Variants in RIPOR2 observed in about 807,000 individuals in gnomAD.
The protein encoded by RIPOR2 is RHO family interacting cell polarization regulator 2.
A neutral mutation model predicts 114.5 loss-of-function variants in RIPOR2; 39 were observed. The ratio of observed to expected loss-of-function variants is 0.34; its 90% CI spans 0.26 to 0.44. The LOEUF (loss-of-function observed/expected upper bound fraction) is 0.44, where lower values mean the gene tolerates loss of function less well. Ranked by LOEUF, RIPOR2 falls within the 20% of genes least tolerant of loss-of-function variation. RIPOR2 has a pLI of 1.00. For missense variants in RIPOR2, 1,007 were observed against 1,255.1 expected, an observed-to-expected ratio of 0.80 and a Z score of 2.99; for synonymous variants, 445 against 484.4, an observed-to-expected ratio of 0.92 and a Z score of 1.07.
intron 1 of RIPOR2, among the ~76,000 whole-genome samples, chr6:24,988,527 T>C (rs1183427661): frequency 3.3e-5 from 5 of 152,340 alleles, no homozygotes; most frequent in African/African-American, 1.2e-4. Flanking sequence ...ACACTTCCAA[T>C]TGGTATCTTG....
chr6:24,885,499 C>G (rs547835131), intron 1 of RIPOR2, among the ~76,000 whole-genome samples: 7 of 151,624 alleles, frequency 4.6e-5, no homozygotes, highest in Non-Finnish European at 7.4e-5. Flanking sequence ...GCTGGAATTA[C>G]AGGTGTGAGC....
chr6:25,017,480 C>G (rs1317919569), intron 1 of RIPOR2, among the ~76,000 whole-genome samples: 1 of 152,242 alleles, frequency 6.6e-6, no homozygotes, highest in Non-Finnish European at 1.5e-5. Flanking sequence ...TGATGCTCCC[C>G]AGATTTTCTT....
chr6:24,978,146 G>C (rs997187924), intron 1 of RIPOR2, among the ~76,000 whole-genome samples: 1 of 152,118 alleles, frequency 6.6e-6, no homozygotes, highest in Non-Finnish European at 1.5e-5. Flanking sequence ...GCTCAAATAT[G>C]AATCTAGTGT....
intron 1 of RIPOR2, among the ~76,000 whole-genome samples, chr6:25,040,939 A>G (rs1029937911): frequency 6.6e-6 from 1 of 152,142 alleles, no homozygotes; most frequent in Non-Finnish European, 1.5e-5. Context: ...CCCATTCCTC[A>G]TGGAAACAAT....
rs571345852 is a variant in RIPOR2, at chr6:24,941,838, T to G, written c.77-66021A>C. Among the ~76,000 whole-genome samples the G allele has an allele frequency of 5.3e-5, 8 of 152,268 alleles. No individual in the cohort carries two copies. The East Asian group carries it at 7.7e-4, about 15-fold the overall frequency. The stretch of plus-strand genomic sequence containing the variant: ...CAGTCTGCCCCTCCTCCCCTTTTTT[T>G]AACCTCAAGACAAATTTCTTGGTGT... On this transcript the variant is annotated intron_variant, in intron 1 of 13. Transcript: ENST00000510784.
chr6:24,843,043 G>A lies in RIPOR2; in HGVS notation c.1676C>T (p.Thr559Ile), dbSNP rs755490191. The change falls in exon 13 of 22, where the codon ACA becomes ATA. Residue 559 changes from threonine (T) to isoleucine (I), a missense_variant. Physicochemically the swap from Thr to Ile is moderately conservative, Grantham distance 89 (BLOSUM62 -1). Coordinates refer to ENST00000643898, the MANE Select transcript of RIPOR2 (RefSeq NM_001286445.3). ...RLTSAEVPMA[T>I]DRLLSEGSVG... Reference sequence around the variant, plus strand: ...AGAACCCTCAGAGAGCAGCCTGTCTGTGGCCATTGGCACCTCTGCAGATGT... The same window carrying A: ...AGAACCCTCAGAGAGCAGCCTGTCTATGGCCATTGGCACCTCTGCAGATGT... The A allele has an allele frequency of 6.2e-7, 1 of 1,612,314 alleles. No individual in the cohort carries two copies. Among genetic ancestry groups the A allele is most frequent in the Non-Finnish European group, 8.5e-7 (1 of 1,178,546 alleles).
chr6:25,008,544 T>A (rs549076562), intron 1 of RIPOR2, among the ~76,000 whole-genome samples: 165 of 152,346 alleles, frequency 1.1e-3, no homozygotes, highest in African/African-American at 3.7e-3. Context: ...CCTTGTAAGA[T>A]CCATTTTGGA....
At chr6:24,824,835 A>G (rs1026225668) in intron 19 of RIPOR2, among the ~76,000 whole-genome samples, 14 of 152,240 alleles carry the variant, frequency 9.2e-5, no homozygotes, top group African/African-American at 3.4e-4. Context: ...AATAAATTCT[A>G]GGATATTCAT....
chr6:24,958,783 G>T (rs567470839), intron 1 of RIPOR2, among the ~76,000 whole-genome samples: 1 of 152,106 alleles, frequency 6.6e-6, no homozygotes, highest in East Asian at 1.9e-4. Flanking sequence ...GAAATTTATT[G>T]TCTCACAGTT....
At chr6:24,976,312 A>G in intron 1 of RIPOR2, 1 of 760,684 alleles carries the variant, frequency 1.3e-6, no homozygotes, top group Non-Finnish European at 2.2e-6. Context: ...GCAACCACTT[A>G]AATTGTGTTT....
intron 1 of RIPOR2, among the ~76,000 whole-genome samples, chr6:25,039,320 A>C (rs146351412): frequency 2.1e-3 from 321 of 152,288 alleles, no homozygotes; most frequent in Middle Eastern, 6.8e-3. Flanking sequence ...GCAAACATGC[A>C]CAGGTCTTTT....
intron 1 of RIPOR2, among the ~76,000 whole-genome samples, chr6:24,957,265 A>G (rs73382380): frequency 0.028 from 4,308 of 152,306 alleles, 107 homozygotes; most frequent in African/African-American, 0.067. Context: ...ACAATGTGCC[A>G]GTCACTGTTC....
intron 1 of RIPOR2, among the ~76,000 whole-genome samples, chr6:24,977,188 C>A (rs1774102402): frequency 6.7e-6 from 1 of 150,302 alleles, no homozygotes; most frequent in Non-Finnish European, 1.5e-5. Context: ...TAAATAACAA[C>A]AACAACAAAA....
chr6:24,956,393 A>G (rs1773045753), intron 1 of RIPOR2, among the ~76,000 whole-genome samples: 1 of 152,200 alleles, frequency 6.6e-6, no homozygotes, highest in Non-Finnish European at 1.5e-5. Context: ...TTATTGTGAA[A>G]CCATTAGACT....
rs377499174 is a variant in RIPOR2 at position 24,843,099 on chromosome 6, T to A, written c.1620A>T (p.Gly540=). ...LKPVELDTSE[G]NITKQLVKRL... ...TCTTGACCAGCTGCTTTGTGATGTT[T>A]CCTTCCGAAGTGTCCAGTTCCACAG... The change falls in exon 13 of 22, where the codon GGA becomes GGT. Residue 540 remains glycine (G), a synonymous_variant. Transcript: ENST00000643898. The A allele has an allele frequency of 1.1e-5, 17 of 1,613,892 alleles. No individual in the cohort carries two copies. In the East Asian group the frequency reaches 1.6e-4, roughly 15 times the overall value.
chr6:24,983,756 C>G (rs1453685994), intron 1 of RIPOR2, among the ~76,000 whole-genome samples: 1 of 47,180 alleles, frequency 2.1e-5, no homozygotes, highest in Admixed American at 3.2e-4. Flanking sequence ...GACTGTGTCT[C>G]AAAAAAAAAA....
At chr6:24,863,347 T>C (rs1359098045) in intron 7 of RIPOR2, among the ~76,000 whole-genome samples, 1 of 152,196 alleles carries the variant, frequency 6.6e-6, no homozygotes, top group Non-Finnish European at 1.5e-5. Flanking sequence ...TTGCACTCTA[T>C]GTCTTTGAAT....
At chr6:24,882,960 A>T (rs1412005777) in intron 1 of RIPOR2, among the ~76,000 whole-genome samples, 4 of 152,212 alleles carry the variant, frequency 2.6e-5, no homozygotes, top group African/African-American at 7.2e-5. Context: ...CAGAGGCTAA[A>T]GGAAACCCCT....
chr6:25,009,806 C>G (rs746534811), intron 1 of RIPOR2, among the ~76,000 whole-genome samples: 1 of 152,142 alleles, frequency 6.6e-6, no homozygotes, highest in African/African-American at 2.4e-5. Context: ...AAGGAAAGAA[C>G]GATACTTCCT....
Sources: allele counts gnomAD v4.1 joint callset (sites outside exome capture counted in the v4.1 genomes callset), GRCh38; gene constraint gnomAD v4.1.1; transcripts MANE v1.5; gene names NCBI Gene and HGNC (gene_info 2026-07-23, HGNC 2026-07-21).